KIF3B: variants seen among roughly 807,000 people sequenced by gnomAD.
The protein encoded by KIF3B is kinesin family member 3B.
A neutral mutation model predicts 74.3 loss-of-function variants in KIF3B; 38 were observed. The ratio of observed to expected loss-of-function variants is 0.51; its 90% CI spans 0.39 to 0.67. The LOEUF is 0.67. KIF3B is among the 30% of genes least tolerant of loss of function. KIF3B has a pLI of 0.00. For synonymous variants in KIF3B, 326 were observed against 342.5 expected, an observed-to-expected ratio of 0.95 and a Z score of 0.53; for missense variants, 649 against 932.0, an observed-to-expected ratio of 0.70 and a Z score of 3.95.
chr20:32,310,040 T>C lies in KIF3B; in HGVS notation c.263T>C (p.Phe88Ser). 6.2e-7 allele frequency: 1 copy of C among 1,614,212 alleles called. No homozygotes were observed. The highest frequency in any genetic ancestry group is 1.7e-5 in the Admixed American group (1 of 60,022). ...CTTGTTGACTCTGTCCTGCAAGGTTTCAATGGAACCATTTTTGCCTATGGA... is the reference window on the plus strand; with the variant it reads ...CTTGTTGACTCTGTCCTGCAAGGTTCCAATGGAACCATTTTTGCCTATGGA... The part of the protein sequence containing the change: ...RPLVDSVLQG[F>S]NGTIFAYGQT... Residue 88 changes from phenylalanine to serine, a missense_variant, in exon 2 of 9, where the codon TTC (phenylalanine) becomes TCC (serine). Phe to Ser is a radical substitution (Grantham distance 155). Transcript: ENST00000375712. This position sits in a 1 kb window ranked among gnomAD's most constrained non-coding sequence, Gnocchi z 6.5.
rs574704418 is a variant in KIF3B, at chr20:32,291,472, G to A, written c.-66+13707G>A. On this transcript the variant is annotated intron_variant, in intron 1 of 8. Transcript: ENST00000375712. ...CCACCCCTGAAAAAGATCCCAGATG[G>A]CATATAACTTTATCTGAAAATATTC... Among the ~76,000 whole-genome samples the A allele has an allele frequency of 2.0e-5, 3 of 152,088 alleles. No homozygotes were observed. The East Asian group carries it at 5.8e-4, about 29-fold the overall frequency.
At chr20:32,280,507 G>A (rs1336631392) in intron 1 of KIF3B, among the ~76,000 whole-genome samples, 1 of 151,750 alleles carries the variant, frequency 6.6e-6, no homozygotes, top group Non-Finnish European at 1.5e-5. Flanking sequence ...GAGGTCAGGA[G>A]ATCGAGACCA....
intron 1 of KIF3B, among the ~76,000 whole-genome samples, 186 bp downstream of exon 1, chr20:32,277,951 G>A (rs1026991882): frequency 4.6e-5 from 7 of 152,226 alleles, no homozygotes; most frequent in Non-Finnish European, 1.0e-4. Flanking sequence ...CCCTGGCAGG[G>A]TCGCGGCCCG....
chr20:32,286,089 G>T (rs1418765505), intron 1 of KIF3B, among the ~76,000 whole-genome samples: 3 of 152,162 alleles, frequency 2.0e-5, no homozygotes, highest in Non-Finnish European at 4.4e-5. Context: ...TTTTTGGCAA[G>T]ACATTTGCAG....
intron 1 of KIF3B, among the ~76,000 whole-genome samples, chr20:32,279,236 C>G (rs1236722183): frequency 1.3e-5 from 2 of 151,986 alleles, no homozygotes; most frequent in African/African-American, 4.8e-5. Flanking sequence ...GCCTAAGAAT[C>G]TTGTATCTAT....
chr20:32,330,087 C>T (rs1040266609), intron 7 of KIF3B, 54 bp from the exon 8 acceptor site: 16 of 1,527,528 alleles, frequency 1.0e-5, no homozygotes, highest in Non-Finnish European at 1.4e-5. Context: ...ATTGCTTGTA[C>T]TGCCTGTGTC....
At position 32,300,996 on chromosome 20, in the gene KIF3B, A is replaced by G. The variant is rs1025551029; in HGVS notation, c.-65-8717A>G. ...TCTCGCCTCAATCTCTCGACTAGCT[A>G]GGACCACAGGCAAGCGGCACCATGC... On this transcript the variant is annotated intron_variant, in intron 1 of 8. Transcript: ENST00000375712. 2.0e-5 allele frequency among the ~76,000 whole-genome samples: 3 copies of G among 150,900 alleles called. No individual in the cohort carries two copies. The Admixed American group carries it at 2.0e-4, about 10-fold the overall frequency.
chr20:32,325,198 T>G (rs1245229057), intron 5 of KIF3B, among the ~76,000 whole-genome samples: 1 of 152,126 alleles, frequency 6.6e-6, no homozygotes, highest in East Asian at 1.9e-4. Context: ...TTTGTTGTTG[T>G]TGTTGTTTGA....
rs538739163 is a variant in KIF3B at position 32,298,158 on chromosome 20, C to G, written c.-65-11555C>G. On this transcript the variant is annotated intron_variant, in intron 1 of 8. Transcript: ENST00000375712. ...TTTGAATTAAAAAAAAAAATTCAGGCCTGGTGCAATGTCACACCAGTAATC... is the reference window on the plus strand; with the variant it reads ...TTTGAATTAAAAAAAAAAATTCAGGGCTGGTGCAATGTCACACCAGTAATC... Among the ~76,000 whole-genome samples, 3 of 150,798 alleles carry G rather than the reference C, an allele frequency of 2.0e-5. No individual in the cohort carries two copies. The East Asian group carries it at 5.9e-4, about 30-fold the overall frequency.
intron 4 of KIF3B, 33 bp downstream of exon 4, chr20:32,316,682 T>C: frequency 1.2e-6 from 2 of 1,614,048 alleles, no homozygotes; most frequent in Non-Finnish European, 1.7e-6. Context: ...TGGAGTTGCC[T>C]TGAGACTTGG....
intron 1 of KIF3B, among the ~76,000 whole-genome samples, chr20:32,293,243 C>CT (rs1261782031): frequency 1.3e-5 from 2 of 150,418 alleles, no homozygotes; most frequent in African/African-American, 2.4e-5. Context: ...AACTGAGACT[C>CT]TGTCTCAAAA....
At chr20:32,300,930 A>G (rs1409277887) in intron 1 of KIF3B, among the ~76,000 whole-genome samples, 3 of 151,978 alleles carry the variant, frequency 2.0e-5, no homozygotes, top group East Asian at 1.9e-4. Flanking sequence ...CAGTGGTGCA[A>G]TCATGGCTCA....
At chr20:32,319,839 G>A (rs1485175384) in intron 5 of KIF3B, among the ~76,000 whole-genome samples, 3 of 151,458 alleles carry the variant, frequency 2.0e-5, no homozygotes, top group Non-Finnish European at 4.4e-5. Flanking sequence ...ACCTGCCTTG[G>A]CATCCCAAAG....
chr20:32,315,518 A>C (rs982037997), intron 2 of KIF3B, among the ~76,000 whole-genome samples: 2 of 152,082 alleles, frequency 1.3e-5, no homozygotes, highest in East Asian at 3.9e-4. Flanking sequence ...CAGCCCAGAC[A>C]ACATAGCAAG....
chr20:32,327,594 G>A lies in KIF3B; in HGVS notation c.1901G>A (p.Gly634Glu). Residue 634 changes from glycine to glutamate, a missense_variant, in exon 7 of 9, where the codon GGA (glycine) becomes GAA (glutamate). By Grantham distance (98) the Gly-to-Glu change is moderately conservative. Transcript: ENST00000375712. Reference protein sequence around the residue: ...QMMKRPVSAVGYKRPLSQHAR... With the variant: ...QMMKRPVSAVEYKRPLSQHAR... ...ATGAAGCGGCCAGTCTCAGCCGTGG[G>A]ATATAAGAGACCATTGAGCCAGCAC... 1.9e-6 allele frequency: 3 copies of A among 1,613,540 alleles called. No homozygotes were observed. Among genetic ancestry groups the A allele is most frequent in the Non-Finnish European group, 2.5e-6 (3 of 1,179,770 alleles).
chr20:32,283,089 G>A (rs923958167), intron 1 of KIF3B, among the ~76,000 whole-genome samples: 4 of 152,150 alleles, frequency 2.6e-5, no homozygotes, highest in Non-Finnish European at 5.9e-5. Flanking sequence ...AGGTTGGAAT[G>A]CAGTGGTGTG....
intron 1 of KIF3B, among the ~76,000 whole-genome samples, chr20:32,289,899 A>G (rs1054832233): frequency 4.6e-5 from 7 of 152,104 alleles, no homozygotes; most frequent in African/African-American, 9.7e-5. Flanking sequence ...TCAGTGTGCC[A>G]TGTTACTTCC....
Position 32,310,142 on chromosome 20 carries a change from C to T in KIF3B, c.365C>T (p.Ser122Leu), listed in dbSNP as rs770428082. ...GAAAAAAGAGGAGTCATTCCTAACT[C>T]ATTTGACCATATCTTCACCCACATC... is the stretch of plus-strand genomic sequence containing the variant. Reference protein sequence around the residue: ...DPEKRGVIPNSFDHIFTHISR... With the variant: ...DPEKRGVIPNLFDHIFTHISR... Residue 122 changes from serine to leucine, a missense_variant, in exon 2 of 9, where the codon TCA (serine) becomes TTA (leucine). Ser to Leu is a moderately radical substitution (Grantham distance 145). Coordinates refer to ENST00000375712, the MANE Select transcript of KIF3B (RefSeq NM_004798.4). The surrounding 1 kb of genome is among the most constrained non-coding windows in gnomAD (Gnocchi z 6.5). 6.2e-7 allele frequency: 1 copy of T among 1,613,912 alleles called. No homozygotes were observed. Among genetic ancestry groups the T allele is most frequent in the Admixed American group, 1.7e-5 (1 of 60,010 alleles).
intron 1 of KIF3B, among the ~76,000 whole-genome samples, chr20:32,279,298 A>G (rs1414680535): frequency 6.6e-6 from 1 of 151,986 alleles, no homozygotes; most frequent in Admixed American, 6.6e-5. Flanking sequence ...TTTATCCCCC[A>G]TTCACTGTTG....
Sources: gnomAD v4.1 joint callset for allele counts (sites outside exome capture counted in the v4.1 genomes callset) on GRCh38, gnomAD v4.1.1 for gene constraint, Gnocchi (gnomAD v3.1) non-coding constraint, MANE v1.5 for transcripts, NCBI Gene and HGNC (gene_info 2026-07-23, HGNC 2026-07-21) for gene names.